MYO5B: variants seen among roughly 807,000 people sequenced by gnomAD.
MYO5B encodes the protein unconventional myosin-Vb.
MYO5B carries 143 observed loss-of-function variants against 229.3 expected under a neutral mutation model. That is an observed-to-expected ratio of 0.62 (90% CI 0.54 to 0.72). The LOEUF (loss-of-function observed/expected upper bound fraction) is 0.72. Among genes scored for constraint, MYO5B ranks in the 30% least tolerant of loss-of-function variants. The pLI is 0.00. For synonymous variants in MYO5B, 918 were observed against 885.2 expected (o/e 1.04, Z -0.66); for missense variants, 2,321 against 2,331.0 (o/e 1.00, Z 0.09).
intron 1 of MYO5B, among the ~76,000 whole-genome samples, chr18:50,189,629 A>T (rs1338382701): frequency 6.6e-6 from 1 of 152,194 alleles, no homozygotes; most frequent in African/African-American, 2.4e-5. Flanking sequence ...CAATAGGAGC[A>T]CTAACAGCAT....
chr18:50,138,517 C>T (rs1187209516), intron 1 of MYO5B, among the ~76,000 whole-genome samples: 1 of 152,112 alleles, frequency 6.6e-6, no homozygotes, highest in East Asian at 1.9e-4. Flanking sequence ...AGAAAGGCAC[C>T]AGAACAGTGT....
At position 50,112,278 on chromosome 18, in the gene MYO5B, C is replaced by T. The variant is rs181180894; in HGVS notation, c.28-56900G>A. Among the ~76,000 whole-genome samples the T allele has an allele frequency of 3.7e-3, 570 of 152,250 alleles. 4 individuals carry two copies. Among genetic ancestry groups the T allele is most frequent in the Non-Finnish European group, 5.4e-3 (368 of 68,014 alleles). On this transcript the variant is annotated intron_variant, in intron 1 of 39. Coordinates refer to ENST00000285039, the MANE Select transcript of MYO5B (RefSeq NM_001080467.3). ...TACATCTAGGAATCCATAACTGTAG[C>T]GAACCAACAAAGCAACTGCATCACG... is the stretch of plus-strand genomic sequence containing the variant.
intron 1 of MYO5B, among the ~76,000 whole-genome samples, chr18:50,108,101 G>T (rs564015886): frequency 6.6e-6 from 1 of 152,262 alleles, no homozygotes; most frequent in South Asian, 2.1e-4. Flanking sequence ...TAGAGATGGG[G>T]TTTCGCCATG....
intron 26 of MYO5B, among the ~76,000 whole-genome samples, chr18:49,874,261 G>T (rs1320649049): frequency 1.3e-5 from 2 of 152,210 alleles, no homozygotes; most frequent in Non-Finnish European, 2.9e-5. Flanking sequence ...TTGGTATCCA[G>T]AGAAGTTCTA....
intron 1 of MYO5B, among the ~76,000 whole-genome samples, chr18:50,188,887 G>A (rs1599090704): frequency 6.7e-6 from 1 of 150,192 alleles, no homozygotes; most frequent in South Asian, 2.1e-4. Context: ...CAGGCCATTG[G>A]AATATGCCAC....
chr18:50,046,229 C>A (rs1233320380), intron 2 of MYO5B, among the ~76,000 whole-genome samples: 4 of 152,188 alleles, frequency 2.6e-5, no homozygotes, highest in African/African-American at 9.6e-5. Flanking sequence ...TGGCTCTCAA[C>A]CCTCCCTGCA....
intron 1 of MYO5B, among the ~76,000 whole-genome samples, chr18:50,119,738 T>A (rs2032026961): frequency 6.6e-6 from 1 of 152,170 alleles, no homozygotes; most frequent in Non-Finnish European, 1.5e-5. Flanking sequence ...TCGCGCCACT[T>A]ATCACTGAAC....
chr18:50,026,975 G>T (rs1342771444), intron 4 of MYO5B, among the ~76,000 whole-genome samples: 1 of 152,118 alleles, frequency 6.6e-6, no homozygotes, highest in African/African-American at 2.4e-5. Context: ...ACTCTTAGCC[G>T]CCTTGCTTCC....
At chr18:50,122,064 A>C (rs1005193267) in intron 1 of MYO5B, among the ~76,000 whole-genome samples, 3 of 152,216 alleles carry the variant, frequency 2.0e-5, no homozygotes, top group Non-Finnish European at 4.4e-5. Context: ...CAGCCATGCA[A>C]CCTCAAGTGC....
At chr18:49,869,994 G>A (rs1272910438) in intron 27 of MYO5B, among the ~76,000 whole-genome samples, 1 of 152,178 alleles carries the variant, frequency 6.6e-6, no homozygotes, top group Non-Finnish European at 1.5e-5. Context: ...TCATCCCCAG[G>A]CACTAAGCCT....
At chr18:49,914,824 T>C (rs1488671245) in intron 17 of MYO5B, among the ~76,000 whole-genome samples, 1 of 151,300 alleles carries the variant, frequency 6.6e-6, no homozygotes, top group Non-Finnish European at 1.5e-5. Context: ...AAACGAGTGC[T>C]GTGGAGTATC....
chr18:49,990,867 A>T (rs1416021775), intron 6 of MYO5B, among the ~76,000 whole-genome samples: 1 of 152,096 alleles, frequency 6.6e-6, no homozygotes, highest in African/African-American at 2.4e-5. Context: ...TGTCCCATGG[A>T]TTGTCAGTAC....
chr18:49,870,378 T>A (rs533227226), intron 27 of MYO5B, among the ~76,000 whole-genome samples: 2 of 152,172 alleles, frequency 1.3e-5, no homozygotes, highest in Non-Finnish European at 2.9e-5. Flanking sequence ...TGACATCAGA[T>A]TTGATGATTT....
chr18:49,863,510 A>T (rs1391715236), intron 28 of MYO5B, among the ~76,000 whole-genome samples, 183 bp from the exon 29 acceptor site: 3 of 152,216 alleles, frequency 2.0e-5, no homozygotes, highest in Non-Finnish European at 4.4e-5. Context: ...AGAGACACAG[A>T]ACAACGAGGC....
chr18:50,191,976 G>C (rs778550119), intron 1 of MYO5B, among the ~76,000 whole-genome samples: 2 of 152,046 alleles, frequency 1.3e-5, no homozygotes, highest in African/African-American at 2.4e-5. Flanking sequence ...AAAGTTTATG[G>C]GGACAATCAG....
chr18:49,877,607 C>A (rs1241428033), intron 25 of MYO5B, among the ~76,000 whole-genome samples, 156 bp downstream of exon 25: 1 of 152,200 alleles, frequency 6.6e-6, no homozygotes, highest in Admixed American at 6.5e-5. Flanking sequence ...GTCTCTAAAT[C>A]CACTGTAGTC....
At chr18:49,826,645 T>A in intron 39 of MYO5B, 22 bp from the exon 40 acceptor site, 1 of 1,612,042 alleles carries the variant, frequency 6.2e-7, no homozygotes, top group East Asian at 2.2e-5. Flanking sequence ...AATAAGACCA[T>A]GTAAAGTTTG....
chr18:49,929,725 C>G lies in MYO5B; in HGVS notation c.2004-127G>C, dbSNP rs576120210. 3.9e-5 allele frequency: 32 copies of G among 816,852 alleles called. No homozygotes were observed. The African/African-American group carries it at 4.6e-4, about 12-fold the overall frequency. 50.6% of individuals were successfully genotyped at this position (816,852 alleles called of 1,614,324 possible). A position where few individuals can be genotyped will look rare whatever the true frequency, so the allele number is the denominator to read the frequency against. On this transcript the variant is annotated intron_variant, in intron 16 of 39. Transcript: ENST00000285039. ...ACCTGCTGCCACTGAGTTACAGCCA[C>G]TGAGTTACCCTTGAGCTCAAGTCAG...
chr18:50,115,481 T>C (rs2144522791), intron 1 of MYO5B, among the ~76,000 whole-genome samples: 1 of 152,106 alleles, frequency 6.6e-6, no homozygotes, highest in East Asian at 1.9e-4. Context: ...CCAGGTCTTG[T>C]GCTAGGCTCT....
Sources: allele counts gnomAD v4.1 joint callset (sites outside exome capture counted in the v4.1 genomes callset), GRCh38; gene constraint gnomAD v4.1.1; transcripts MANE v1.5; gene names NCBI Gene and HGNC (gene_info 2026-07-23, HGNC 2026-07-21).